Variants in SULT1C2 observed in about 807,000 individuals in gnomAD.
The protein encoded by SULT1C2 is sulfotransferase family 1C member 2, also known as sulfotransferase 1C2.
A neutral mutation model predicts 36.0 loss-of-function variants in SULT1C2; 27 were observed. The ratio of observed to expected loss-of-function variants is 0.75; its 90% CI spans 0.55 to 1.03. The LOEUF (loss-of-function observed/expected upper bound fraction) is 1.03. Among genes scored for constraint, SULT1C2 ranks in the 50% least tolerant of loss-of-function variants. The pLI, the probability that SULT1C2 is intolerant of heterozygous loss-of-function variation, is 0.00. For synonymous variants in SULT1C2, 121 were observed against 116.0 expected (o/e 1.04, Z -0.27); for missense variants, 395 against 359.2 (o/e 1.10, Z -0.80).
In SULT1C2 at chr2:108,301,140, T is replaced by A. The variant is rs4149425; in HGVS notation, c.375+205T>A. 4.8e-6 allele frequency: 3 copies of A among 626,096 alleles called. No homozygotes were observed. In the East Asian group the frequency reaches 8.7e-5, roughly 18 times the overall value. The allele number at this position is 626,096 out of a possible 1,614,324, so 38.8% of individuals were successfully genotyped here. ...ATAGGACATGAAGGCAGGATCCAGA[T>A]TGAATGTTTGGAGGGAACTAGAGAC... is the stretch of plus-strand genomic sequence containing the variant. On this transcript the variant is annotated intron_variant, in intron 4 of 7. Coordinates refer to ENST00000251481, the MANE Select transcript of SULT1C2 (RefSeq NM_001056.4).
At position 108,293,825 on chromosome 2, in the gene SULT1C2, G is replaced by A; in HGVS notation, c.151+7G>A. 1 of 1,613,332 alleles carries A rather than the reference G, an allele frequency of 6.2e-7. No individual in the cohort carries two copies. Among genetic ancestry groups the A allele is most frequent in the East Asian group, 2.2e-5 (1 of 44,866 alleles). On this transcript the variant is annotated splice_region_variant and intron_variant, in intron 2 of 7. Coordinates refer to ENST00000251481, the MANE Select transcript of SULT1C2 (RefSeq NM_001056.4). ...TGCACCTACCCTAAAGCAGGTGATT[G>A]CAGGGTAGGAGGGACAGCAAAGACC...
chr2:108,300,878 A>G lies in SULT1C2; in HGVS notation c.318A>G (p.Leu106=), dbSNP rs759491149. Residue 106 remains leucine (L), a synonymous_variant, in exon 4 of 8, where the codon CTA becomes CTG. Coordinates refer to ENST00000251481, the MANE Select transcript of SULT1C2 (RefSeq NM_001056.4). Reference sequence around the variant, plus strand: ...AAGCAATGCCCTCTCCACGGATACTAAAGACTCACCTTTCCACTCAGCTGC... The same window carrying G: ...AAGCAATGCCCTCTCCACGGATACTGAAGACTCACCTTTCCACTCAGCTGC... The part of the protein sequence containing the change: ...KAKAMPSPRI[L]KTHLSTQLLP... 5.6e-6 allele frequency: 9 copies of G among 1,614,174 alleles called. No homozygotes were observed. The highest frequency in any genetic ancestry group is 1.1e-5 in the South Asian group (1 of 91,074).
rs1360326845 is a variant in SULT1C2, at chr2:108,294,255, G to A, written c.178G>A (p.Asp60Asn). 1 of 1,613,828 alleles carries A rather than the reference G, an allele frequency of 6.2e-7. No homozygotes were observed. The highest frequency in any genetic ancestry group is 8.5e-7 in the Non-Finnish European group (1 of 1,179,946). The change falls in exon 3 of 8, where the codon GAT becomes AAT. Residue 60 changes from aspartate to asparagine, a missense_variant. Coordinates refer to ENST00000251481, the MANE Select transcript of SULT1C2 (RefSeq NM_001056.4). ...AGTTWIQEIV[D>N]MIEQNGDVEK... ...GACAACGTGGATTCAGGAAATTGTG[G>A]ATATGATTGAACAGAATGGGGACGT... is the stretch of plus-strand genomic sequence containing the variant.
chr2:108,307,711 T>A (rs1055243603), intron 7 of SULT1C2, among the ~76,000 whole-genome samples: 2 of 152,210 alleles, frequency 1.3e-5, no homozygotes, highest in East Asian at 1.9e-4. Flanking sequence ...CCAAAATAGT[T>A]TTTTATTGAG....
At chr2:108,290,039 A>G (rs17821152) in intron 1 of SULT1C2, among the ~76,000 whole-genome samples, 57,114 of 152,078 alleles carry the variant, frequency 0.38, 13,024 homozygotes, top group Non-Finnish European at 0.51. Flanking sequence ...CCCAGAGCAC[A>G]ACGCCTACCA....
At chr2:108,295,443 G>A (rs1024143689) in intron 3 of SULT1C2, among the ~76,000 whole-genome samples, 1 of 152,176 alleles carries the variant, frequency 6.6e-6, no homozygotes, top group African/African-American at 2.4e-5. Context: ...CTGCTGTTTT[G>A]TGTGTGTCTG....
Position 108,309,007 on chromosome 2 carries a change from G to A in SULT1C2, c.*543G>A, listed in dbSNP as rs926625584. Reference sequence around the variant, plus strand: ...CTCACTGGTGGGTGGGAATAAAATGGAAGTGCACAGAGGAGATGTCAGAAG... The same window carrying A: ...CTCACTGGTGGGTGGGAATAAAATGAAAGTGCACAGAGGAGATGTCAGAAG... On this transcript the variant is annotated 3_prime_UTR_variant, in exon 8 of 8. Transcript: ENST00000251481. 6.5e-6 allele frequency: 1 copy of A among 152,698 alleles called. No homozygotes were observed. The highest frequency in any genetic ancestry group is 1.5e-5 in the Non-Finnish European group (1 of 68,440). 9.5% of individuals were successfully genotyped at this position (152,698 alleles called of 1,614,324 possible).
chr2:108,304,001 T>A (rs749016394), intron 4 of SULT1C2: 11 of 152,178 alleles, frequency 7.2e-5, no homozygotes, highest in Admixed American at 2.6e-4. Context: ...GAGTACTGGA[T>A]AAAAGGTCAG....
At chr2:108,304,445 G>A (rs1244720146) in intron 4 of SULT1C2, 129 bp from the exon 5 acceptor site, 3 of 1,001,864 alleles carry the variant, frequency 3.0e-6, no homozygotes, top group Non-Finnish European at 4.3e-6. Flanking sequence ...ACAAGGCCAA[G>A]TCGCAGGGCC....
intron 4 of SULT1C2, chr2:108,301,421 T>TA (rs780973300): frequency 1.4e-4 from 21 of 151,782 alleles, no homozygotes; most frequent in Non-Finnish European, 2.6e-4. Flanking sequence ...CTACTAAAAA[T>TA]AAAAAAAAAC....
At chr2:108,297,571 C>T (rs113863051) in intron 3 of SULT1C2, among the ~76,000 whole-genome samples, 1 of 152,142 alleles carries the variant, frequency 6.6e-6, no homozygotes, top group Admixed American at 6.5e-5. Flanking sequence ...GGCCCTGCAG[C>T]CTGGGCTGTG....
At chr2:108,305,759 C>A in intron 7 of SULT1C2, 164 bp downstream of exon 7, 1 of 878,320 alleles carries the variant, frequency 1.1e-6, no homozygotes, top group Non-Finnish European at 1.7e-6. Context: ...TAGAAGAGAG[C>A]TTTCTAGGGT....
chr2:108,295,518 C>T (rs1287240221), intron 3 of SULT1C2, among the ~76,000 whole-genome samples: 1 of 152,072 alleles, frequency 6.6e-6, no homozygotes, highest in Non-Finnish European at 1.5e-5. Flanking sequence ...TAAATCCTGA[C>T]TCCATCACTC....
chr2:108,309,593 A>C lies in SULT1C2; in HGVS notation c.*1129A>C, dbSNP rs978845443. 3.3e-5 allele frequency: 5 copies of C among 152,172 alleles called. No individual in the cohort carries two copies. Among genetic ancestry groups the C allele is most frequent in the Admixed American group, 6.5e-5 (1 of 15,280 alleles). 9.4% of individuals were successfully genotyped at this position (152,172 alleles called of 1,614,324 possible). ...ATAAGAGGAAGAATGAAGCCAACTAAAATTCTGAATGCTTTTTGTTGGATT... is the reference window on the plus strand; with the variant it reads ...ATAAGAGGAAGAATGAAGCCAACTACAATTCTGAATGCTTTTTGTTGGATT... On this transcript the variant is annotated 3_prime_UTR_variant, in exon 8 of 8. Transcript: ENST00000251481.
chr2:108,302,907 A>G (rs1030226911), intron 4 of SULT1C2: 5 of 152,166 alleles, frequency 3.3e-5, no homozygotes, highest in African/African-American at 1.2e-4. Flanking sequence ...TTTGAGGGTA[A>G]AGGTTTGAGG....
chr2:108,298,383 CT>C (rs1238996191), intron 3 of SULT1C2, among the ~76,000 whole-genome samples: 1 of 151,728 alleles, frequency 6.6e-6, no homozygotes, highest in African/African-American at 2.4e-5. Flanking sequence ...TTCCTTTGCA[CT>C]TTTTTTTGAG....
At chr2:108,304,342 C>G (rs1676965335) in intron 4 of SULT1C2, 2 of 402,100 alleles carry the variant, frequency 5.0e-6, no homozygotes, top group Admixed American at 4.1e-5. Flanking sequence ...CTAATCCTCA[C>G]CAATCCCTAA....
rs1156856247 is a variant in SULT1C2, at chr2:108,308,471, T to C, written c.*7T>C. 1.9e-6 allele frequency: 3 copies of C among 1,595,048 alleles called. No individual in the cohort carries two copies. The highest frequency in any genetic ancestry group is 2.6e-6 in the Non-Finnish European group (3 of 1,174,290). On this transcript the variant is annotated 3_prime_UTR_variant, in exon 8 of 8. Coordinates refer to ENST00000251481, the MANE Select transcript of SULT1C2 (RefSeq NM_001056.4). ...CTTCTGCATGGAACTCTGAGCAAGA[T>C]GTAAATAAAATTAAAAGGTGGATGG...
chr2:108,294,075 C>T, intron 2 of SULT1C2, 154 bp from the exon 3 acceptor site: 1 of 1,399,814 alleles, frequency 7.1e-7, no homozygotes, highest in Non-Finnish European at 9.6e-7. Flanking sequence ...GTCCATCCCT[C>T]ATGGACTTCT....
Sources: allele counts gnomAD v4.1 joint callset (sites outside exome capture counted in the v4.1 genomes callset), GRCh38; gene constraint gnomAD v4.1.1; transcripts MANE v1.5; gene names NCBI Gene and HGNC (gene_info 2026-07-23, HGNC 2026-07-21).